Variants in CIT observed in about 807,000 individuals in gnomAD.
CIT encodes citron rho-interacting serine/threonine kinase, also known as citron Rho-interacting kinase.
CIT carries 79 observed loss-of-function variants against 272.7 expected under a neutral mutation model. The observed-to-expected ratio is 0.29, with a 90% CI of 0.24 to 0.35. The LOEUF (loss-of-function observed/expected upper bound fraction) is 0.35, where lower values mean the gene tolerates loss of function less well. Ranked by LOEUF, CIT falls within the 10% of genes least tolerant of loss-of-function variation. CIT has a pLI of 1.00. For missense variants in CIT, 1,909 were observed against 2,618.3 expected (o/e 0.73, Z 5.91); for synonymous variants, 948 against 995.6 (o/e 0.95, Z 0.90).
intron 21 of CIT, among the ~76,000 whole-genome samples, chr12:119,757,902 C>G (rs1306440836): frequency 6.6e-6 from 1 of 151,930 alleles, no homozygotes; most frequent in Admixed American, 6.6e-5. Flanking sequence ...CAAGGGCACC[C>G]CAGTAACTCA....
chr12:119,771,500 C>T (rs925668752), intron 17 of CIT, among the ~76,000 whole-genome samples: 1 of 152,036 alleles, frequency 6.6e-6, no homozygotes, highest in African/African-American at 2.4e-5. Context: ...ATGGCTACAG[C>T]ACAGCACATG....
intron 24 of CIT, among the ~76,000 whole-genome samples, chr12:119,741,443 A>C (rs1054557140): frequency 2.0e-5 from 3 of 152,212 alleles, no homozygotes; most frequent in East Asian, 3.8e-4. Context: ...TCTGTGTAAA[A>C]ATTTTATTGA....
At chr12:119,738,355 G>C (rs1958888310) in intron 24 of CIT, among the ~76,000 whole-genome samples, 1 of 152,082 alleles carries the variant, frequency 6.6e-6, no homozygotes, top group African/African-American at 2.4e-5. Flanking sequence ...CTACTTTCTG[G>C]TCCTGGGTAT....
At chr12:119,773,465 T>G (rs1211849530) in intron 16 of CIT, among the ~76,000 whole-genome samples, 2 of 152,166 alleles carry the variant, frequency 1.3e-5, no homozygotes, top group East Asian at 3.9e-4. Flanking sequence ...GGAGTTTTGC[T>G]CTTCTTGCCC....
chr12:119,707,832 T>G (rs545261999), intron 40 of CIT, among the ~76,000 whole-genome samples: 1 of 152,260 alleles, frequency 6.6e-6, no homozygotes, highest in African/African-American at 2.4e-5. Flanking sequence ...AAAATACTTC[T>G]GCAAGGACAT....
intron 9 of CIT, among the ~76,000 whole-genome samples, chr12:119,822,332 AG>A (rs2138041154): frequency 6.6e-6 from 1 of 152,390 alleles, no homozygotes; most frequent in Non-Finnish European, 1.5e-5. Flanking sequence ...TATACATTAT[AG>A]GTTTTACATG....
chr12:119,741,057 C>T (rs1959033929), intron 24 of CIT, among the ~76,000 whole-genome samples: 1 of 152,044 alleles, frequency 6.6e-6, no homozygotes, highest in African/African-American at 2.4e-5. Flanking sequence ...TTCCTAACAG[C>T]TTGATCCATT....
chr12:119,824,788 T>G (rs1463208943), intron 8 of CIT, among the ~76,000 whole-genome samples: 1 of 152,086 alleles, frequency 6.6e-6, no homozygotes, highest in Non-Finnish European at 1.5e-5. Context: ...ATTTTTTGGT[T>G]TTTTGTTTTG....
At chr12:119,688,654 T>G (rs1356316238) in intron 47 of CIT, among the ~76,000 whole-genome samples, 1 of 152,230 alleles carries the variant, frequency 6.6e-6, no homozygotes, top group Non-Finnish European at 1.5e-5. Flanking sequence ...CTTGACCTGC[T>G]TAGCCTGCTA....
intron 8 of CIT, among the ~76,000 whole-genome samples, chr12:119,824,818 C>T (rs1197724423): frequency 6.6e-6 from 1 of 152,046 alleles, no homozygotes; most frequent in African/African-American, 2.4e-5. Flanking sequence ...GTTTTTTAGA[C>T]GGAGTCTCAC....
At chr12:119,767,471 A>T (rs1962582275) in intron 18 of CIT, among the ~76,000 whole-genome samples, 1 of 152,264 alleles carries the variant, frequency 6.6e-6, no homozygotes, top group Non-Finnish European at 1.5e-5. Context: ...TCATCTTTGC[A>T]TAGAGAAATA....
chr12:119,850,314 C>A lies in CIT; in HGVS notation c.415-39G>T, dbSNP rs761509159. 2.0e-5 allele frequency: 27 copies of A among 1,319,950 alleles called. No homozygotes were observed. The African/African-American group carries it at 3.9e-4, about 19-fold the overall frequency. 81.8% of individuals were successfully genotyped at this position (1,319,950 alleles called of 1,614,324 possible). On this transcript the variant is annotated intron_variant, in intron 4 of 47. Coordinates refer to ENST00000392521, the MANE Select transcript of CIT (RefSeq NM_001206999.2). ...AAACTGCTTAGACAATTATAAAGAA[C>A]TGTGAGAGGAAAAAGAAGCCTTTTC...
At chr12:119,772,972 C>T in intron 16 of CIT, 62 bp from the exon 17 acceptor site, 1 of 1,391,504 alleles carries the variant, frequency 7.2e-7, no homozygotes, top group South Asian at 1.4e-5. Flanking sequence ...AAGATGGTGA[C>T]AGTATGTTCT....
chr12:119,753,651 C>T (rs1461765846), intron 22 of CIT, among the ~76,000 whole-genome samples: 1 of 151,628 alleles, frequency 6.6e-6, no homozygotes, highest in African/African-American at 2.4e-5. Flanking sequence ...GCAGGAGAAT[C>T]ACTTGAACCT....
At chr12:119,803,851 T>C (rs535646056) in intron 9 of CIT, among the ~76,000 whole-genome samples, 2 of 152,254 alleles carry the variant, frequency 1.3e-5, no homozygotes, top group South Asian at 2.1e-4. Context: ...ATGGAACTTC[T>C]ACATTTCGTG....
intron 10 of CIT, among the ~76,000 whole-genome samples, chr12:119,795,840 G>A (rs148318250): frequency 6.6e-6 from 1 of 152,348 alleles, no homozygotes; most frequent in African/African-American, 2.4e-5. Flanking sequence ...ATGATTTAAT[G>A]AGATAATGCA....
rs1364311362 is a variant in CIT, at chr12:119,688,230, AT to A, written c.*1del. 1.2e-6 allele frequency: 2 copies of A among 1,613,598 alleles called. No homozygotes were observed. The highest frequency in any genetic ancestry group is 1.7e-6 in the Non-Finnish European group (2 of 1,179,606). On this transcript the variant is annotated 3_prime_UTR_variant, in exon 48 of 48. Transcript: ENST00000392521. ...TGAGGAGTTGGTTTTTCTGGCTGAG[AT>A]TTATACTGAAGACTGGTCCCAGACC...
At chr12:119,845,726 C>T (rs191324217) in intron 5 of CIT, among the ~76,000 whole-genome samples, 1 of 149,102 alleles carries the variant, frequency 6.7e-6, no homozygotes, top group East Asian at 2.0e-4. Flanking sequence ...TCAAGGTGGG[C>T]GGATCACAAG....
chr12:119,786,848 A>G (rs574898728), intron 10 of CIT, among the ~76,000 whole-genome samples: 2 of 152,340 alleles, frequency 1.3e-5, no homozygotes, highest in Admixed American at 1.3e-4. Context: ...CAGGCTGGGC[A>G]CAGTGGCACA....
Sources: allele counts gnomAD v4.1 joint callset (sites outside exome capture counted in the v4.1 genomes callset), GRCh38; gene constraint gnomAD v4.1.1; transcripts MANE v1.5; gene names NCBI Gene and HGNC (gene_info 2026-07-23, HGNC 2026-07-21).